The following SDR16C5 variants were observed in gnomAD, a reference collection of about 807,000 sequenced individuals.
The protein encoded by SDR16C5 is epidermal retinol dehydrogenase 2.
SDR16C5 carries 20 observed loss-of-function variants against 27.7 expected under a neutral mutation model. That is an observed-to-expected ratio of 0.72 (90% confidence interval 0.51 to 1.05). SDR16C5 has a LOEUF of 1.05. Among genes scored for constraint, SDR16C5 ranks in the 50% least tolerant of loss-of-function variants. The pLI, the probability that SDR16C5 is intolerant of heterozygous loss-of-function variation, is 0.00. For missense variants in SDR16C5, 374 were observed against 366.3 expected (o/e 1.02, Z -0.17); for synonymous variants, 139 against 132.3 (o/e 1.05, Z -0.35).
intron 2 of SDR16C5, among the ~76,000 whole-genome samples, chr8:56,315,239 C>T (rs1332951124): frequency 2.1e-5 from 3 of 141,602 alleles, no homozygotes; most frequent in Non-Finnish European, 4.8e-5. Flanking sequence ...GAGTGAAACT[C>T]CATCTCAAAA....
In SDR16C5 at chr8:56,319,878, G is replaced by A. The variant is rs568020530; in HGVS notation, c.-15+181C>T. Among the ~76,000 whole-genome samples the A allele has an allele frequency of 3.2e-4, 49 of 152,300 alleles. No homozygotes were observed. The South Asian group carries it at 6.6e-3, about 21-fold the overall frequency. Reference sequence around the variant, plus strand: ...GGGCTTCTGGGACGCTCAGCCGTGCGCTACCCGGTGCAGCTGCTTTCTCAC... The same window carrying A: ...GGGCTTCTGGGACGCTCAGCCGTGCACTACCCGGTGCAGCTGCTTTCTCAC... On this transcript the variant is annotated intron_variant, in intron 1 of 6. Transcript: ENST00000303749.
intron 1 of SDR16C5, among the ~76,000 whole-genome samples, chr8:56,319,149 C>A (rs867905934): frequency 6.8e-6 from 1 of 146,150 alleles, no homozygotes; most frequent in Non-Finnish European, 1.5e-5. Context: ...AAAGGCATTG[C>A]CCTGCACAAA....
Position 56,308,935 on chromosome 8 carries a change from C to A in SDR16C5, c.558G>T (p.Gly186=). The change falls in exon 4 of 7, where the codon GGG becomes GGT. Residue 186 remains glycine, a synonymous_variant. Coordinates refer to ENST00000303749, the MANE Select transcript of SDR16C5 (RefSeq NM_138969.4). The part of the protein sequence containing the change: ...SSSAGLSGVN[G]LADYCASKFA... ...TTGCTATGTTTTTCTTACCTGCCAG[C>A]CCATTTACTCCACTTAATCCAGCTG... is the stretch of plus-strand genomic sequence containing the variant. 2.5e-6 allele frequency: 4 copies of A among 1,607,726 alleles called. No homozygotes were observed. Among genetic ancestry groups the A allele is most frequent in the Non-Finnish European group, 3.4e-6 (4 of 1,177,468 alleles).
At chr8:56,319,415 T>C (rs971772807) in intron 1 of SDR16C5, among the ~76,000 whole-genome samples, 2 of 152,258 alleles carry the variant, frequency 1.3e-5, no homozygotes, top group African/African-American at 4.8e-5. Context: ...AATATGGTTA[T>C]AGTATACTTA....
chr8:56,315,878 A>G (rs544848898), intron 2 of SDR16C5, 137 bp downstream of exon 2: 9 of 658,590 alleles, frequency 1.4e-5, no homozygotes, highest in Non-Finnish European at 2.4e-5. Context: ...TAAGAATTCA[A>G]AAATCCCAAT....
intron 4 of SDR16C5, among the ~76,000 whole-genome samples, chr8:56,307,104 T>C (rs1181866624): frequency 6.6e-6 from 1 of 152,198 alleles, no homozygotes; most frequent in East Asian, 1.9e-4. Context: ...TACAAGTAAA[T>C]GCATTGTGAG....
At chr8:56,301,601 TTTATTA>T in intron 6 of SDR16C5, 28 bp from the exon 7 acceptor site, 1 of 1,519,088 alleles carries the variant, frequency 6.6e-7, no homozygotes, top group Non-Finnish European at 9.1e-7. Flanking sequence ...ATAAACTTTC[TTTATTA>T]TCATTCATGA....
At chr8:56,302,883 G>C (rs1166962738) in intron 6 of SDR16C5, among the ~76,000 whole-genome samples, 1 of 152,128 alleles carries the variant, frequency 6.6e-6, no homozygotes, top group Non-Finnish European at 1.5e-5. Flanking sequence ...TTGGGAGGCT[G>C]AGGTGGGAGG....
intron 3 of SDR16C5, chr8:56,309,681 G>C: frequency 1.4e-6 from 1 of 699,886 alleles, no homozygotes; most frequent in Non-Finnish European, 1.8e-6. Flanking sequence ...AAGGAGGTGA[G>C]AAAAGGGATC....
chr8:56,308,244 C>A (rs1814935683), intron 4 of SDR16C5, among the ~76,000 whole-genome samples: 1 of 152,226 alleles, frequency 6.6e-6, no homozygotes, highest in South Asian at 2.1e-4. Flanking sequence ...TGCTACAGTT[C>A]TGTTGGATGA....
chr8:56,314,205 C>CAAA (rs34303036), intron 2 of SDR16C5, among the ~76,000 whole-genome samples: 2 of 150,316 alleles, frequency 1.3e-5, no homozygotes, highest in Non-Finnish European at 3.0e-5. Context: ...GACTCTGTCT[C>CAAA]AAAAAAAAAA....
intron 2 of SDR16C5, among the ~76,000 whole-genome samples, chr8:56,315,277 G>A (rs963132052): frequency 6.6e-6 from 1 of 151,814 alleles, no homozygotes; most frequent in Non-Finnish European, 1.5e-5. Context: ...TGTGAGGGAC[G>A]GGCACGTGCC....
In SDR16C5 at chr8:56,318,443, A is replaced by C. The variant is rs1465870717; in HGVS notation, c.-15+1616T>G. Among the ~76,000 whole-genome samples the C allele has an allele frequency of 2.6e-5, 4 of 152,178 alleles. No individual in the cohort carries two copies. In the East Asian group the frequency reaches 7.7e-4, roughly 29 times the overall value. ...ATGGAGCCTGTACCTGTGGATCTGC[A>C]AGGATGAGGGTCAGACTGTGCACAC... On this transcript the variant is annotated intron_variant, in intron 1 of 6. Coordinates refer to ENST00000303749, the MANE Select transcript of SDR16C5 (RefSeq NM_138969.4).
chr8:56,319,503 T>C (rs910755073), intron 1 of SDR16C5, among the ~76,000 whole-genome samples: 1 of 152,216 alleles, frequency 6.6e-6, no homozygotes, highest in African/African-American at 2.4e-5. Flanking sequence ...CAATTTAATC[T>C]GGCAGAAGTC....
In SDR16C5 at chr8:56,301,549, C is replaced by T; in HGVS notation, c.861G>A (p.Leu287=). 1.2e-6 allele frequency: 2 copies of T among 1,614,076 alleles called. No individual in the cohort carries two copies. The highest frequency in any genetic ancestry group is 1.7e-6 in the Non-Finnish European group (2 of 1,179,934). ...GGATGCCCAAATAGTCAGCTATAAG[C>T]AGTCCTGTCTTGAGGGGCAAAAAGC... The part of the protein sequence containing the change: ...LKSFLPLKTG[L]LIADYLGILH... Residue 287 remains leucine (L), a synonymous_variant, in exon 7 of 7, where the codon CTG becomes CTA. Transcript: ENST00000303749.
In SDR16C5 at chr8:56,320,099, C is replaced by T. The variant is rs1283938275; in HGVS notation, c.-55G>A. On this transcript the variant is annotated 5_prime_UTR_variant, in exon 1 of 7. Transcript: ENST00000303749. ...TAGCTGTCCGCGGAGAAGCCGGCCTCGTCTGCCCCAGGCACCCGAGTCCCT... is the reference window on the plus strand; with the variant it reads ...TAGCTGTCCGCGGAGAAGCCGGCCTTGTCTGCCCCAGGCACCCGAGTCCCT... 1 of 152,310 alleles carries T rather than the reference C, an allele frequency of 6.6e-6. No homozygotes were observed. Among genetic ancestry groups the T allele is most frequent in the African/African-American group, 2.4e-5 (1 of 41,450 alleles). The allele number at this position is 152,310 out of a possible 1,614,324, so 9.4% of individuals were successfully genotyped here.
At chr8:56,303,734 A>T (rs1171202979) in intron 6 of SDR16C5, among the ~76,000 whole-genome samples, 2 of 152,212 alleles carry the variant, frequency 1.3e-5, no homozygotes, top group Non-Finnish European at 2.9e-5. Context: ...ATAAAACTAA[A>T]CATAATCTCC....
intron 3 of SDR16C5, among the ~76,000 whole-genome samples, chr8:56,311,757 C>T (rs1471145035): frequency 6.6e-6 from 1 of 152,210 alleles, no homozygotes; most frequent in African/African-American, 2.4e-5. Flanking sequence ...AGTGTCCCAG[C>T]TTAGGCAAAT....
intron 1 of SDR16C5, among the ~76,000 whole-genome samples, chr8:56,317,662 A>G (rs911212997): frequency 1.3e-5 from 2 of 152,228 alleles, no homozygotes; most frequent in Non-Finnish European, 2.9e-5. Flanking sequence ...ATTCATCTAC[A>G]GGAGGACTTG....
Sources: allele counts gnomAD v4.1 joint callset (sites outside exome capture counted in the v4.1 genomes callset), GRCh38; gene constraint gnomAD v4.1.1; transcripts MANE v1.5; gene names NCBI Gene and HGNC (gene_info 2026-07-23, HGNC 2026-07-21).